Variants in PRUNE1 observed in about 807,000 individuals in gnomAD.
PRUNE1 encodes the protein exopolyphosphatase PRUNE1.
Under a neutral mutation model 42.5 loss-of-function variants are expected in PRUNE1, and 25 were observed. That is an observed-to-expected ratio of 0.59 (90% CI 0.43 to 0.82). PRUNE1 has a LOEUF of 0.82. Among genes scored for constraint, PRUNE1 ranks in the 40% least tolerant of loss-of-function variants. The pLI is 0.00. For missense variants in PRUNE1, 443 were observed against 539.3 expected, an observed-to-expected ratio of 0.82 and a Z score of 1.77; for synonymous variants, 203 against 217.1, an observed-to-expected ratio of 0.93 and a Z score of 0.57.
chr1:151,019,254 A>G (rs1196831908), intron 3 of PRUNE1, among the ~76,000 whole-genome samples: 1 of 152,034 alleles, frequency 6.6e-6, no homozygotes, highest in Non-Finnish European at 1.5e-5. Flanking sequence ...TGCCTTTGGT[A>G]TCATTATTTA....
chr1:151,016,684 T>C (rs1674122655), intron 1 of PRUNE1, among the ~76,000 whole-genome samples: 1 of 151,670 alleles, frequency 6.6e-6, no homozygotes, highest in Non-Finnish European at 1.5e-5. Context: ...GTATTTTTAG[T>C]AGAGATGGGG....
At chr1:151,024,901 C>A in intron 4 of PRUNE1, 106 bp downstream of exon 4, 3 of 1,160,952 alleles carry the variant, frequency 2.6e-6, no homozygotes, top group Non-Finnish European at 3.6e-6. Flanking sequence ...GCTCTCAGAG[C>A]CATTCAGCTC....
chr1:151,023,244 G>C (rs1674586337), intron 3 of PRUNE1, among the ~76,000 whole-genome samples: 1 of 152,166 alleles, frequency 6.6e-6, no homozygotes, highest in South Asian at 2.1e-4. Flanking sequence ...GCCCAGGAGG[G>C]CTCTTGGTTG....
chr1:151,013,677 G>A (rs927471881), intron 1 of PRUNE1, among the ~76,000 whole-genome samples: 5 of 152,006 alleles, frequency 3.3e-5, no homozygotes, highest in African/African-American at 1.2e-4. Context: ...CTCCAGTCAG[G>A]GCCATATGCC....
chr1:151,020,678 G>A (rs1229242831), intron 3 of PRUNE1, among the ~76,000 whole-genome samples: 2 of 151,934 alleles, frequency 1.3e-5, no homozygotes, highest in Admixed American at 6.6e-5. Flanking sequence ...AATGTATTAT[G>A]TTAGAATATA....
chr1:151,009,569 T>C (rs978457019), intron 1 of PRUNE1, among the ~76,000 whole-genome samples: 24 of 152,220 alleles, frequency 1.6e-4, no homozygotes, highest in African/African-American at 5.8e-4. Flanking sequence ...TGAGTTATAC[T>C]GCCCTGAAGA....
At chr1:151,027,173 T>G in intron 5 of PRUNE1, 60 bp from the exon 6 acceptor site, 1 of 1,274,666 alleles carries the variant, frequency 7.8e-7, no homozygotes, top group Admixed American at 1.8e-5. Context: ...GTCCTTGCCT[T>G]CTTGGTCTTG....
intron 7 of PRUNE1, among the ~76,000 whole-genome samples, chr1:151,030,810 G>A: frequency 6.6e-6 from 1 of 152,114 alleles, no homozygotes; most frequent in East Asian, 1.9e-4. Flanking sequence ...TTAAAGTCAG[G>A]TAGATGTGCT....
chr1:151,022,177 C>G (rs1234729450), intron 3 of PRUNE1, among the ~76,000 whole-genome samples: 1 of 145,636 alleles, frequency 6.9e-6, no homozygotes, highest in Non-Finnish European at 1.5e-5. Context: ...ATGGCACCAT[C>G]TCGGCTCACT....
In PRUNE1 at chr1:151,029,588, C is replaced by T. The variant is rs988337675; in HGVS notation, c.933+644C>T. On this transcript the variant is annotated intron_variant, in intron 7 of 7. Coordinates refer to ENST00000271620, the MANE Select transcript of PRUNE1 (RefSeq NM_021222.3). The stretch of plus-strand genomic sequence containing the variant: ...TTCACCGTGTTAGCCAGGATAGTCT[C>T]GATCTCCTGACCTCGTGATCCGCCC... Among the ~76,000 whole-genome samples the T allele has an allele frequency of 1.4e-4, 21 of 151,556 alleles. No homozygotes were observed. The South Asian group carries it at 2.3e-3, about 17-fold the overall frequency.
Position 151,028,802 on chromosome 1 carries a change from C to T in PRUNE1, c.791C>T (p.Ser264Phe). ...CCCTTTCAGGCCTTTCTGCAGAGGTCTAACCTCCTTGCAGATCTCCATGCT... is the reference window on the plus strand; with the variant it reads ...CCCTTTCAGGCCTTTCTGCAGAGGTTTAACCTCCTTGCAGATCTCCATGCT... ...YMDLEAFLQRSNLLADLHAFC... is the reference protein window; with the variant it reads ...YMDLEAFLQRFNLLADLHAFC... Residue 264 changes from serine to phenylalanine, a missense_variant, in exon 7 of 8, where the codon TCT becomes TTT. Physicochemically the swap from Ser to Phe is radical, Grantham distance 155. Transcript: ENST00000271620. 1 of 1,614,074 alleles carries T rather than the reference C, an allele frequency of 6.2e-7. No individual in the cohort carries two copies.
At chr1:151,032,174 G>A (rs587757117) in intron 7 of PRUNE1, among the ~76,000 whole-genome samples, 1 of 152,188 alleles carries the variant, frequency 6.6e-6, no homozygotes, top group African/African-American at 2.4e-5. Context: ...GAATCTGGGA[G>A]GCGAAGGTTG....
At chr1:151,024,461 C>T (rs1674690154) in intron 3 of PRUNE1, 150 bp from the exon 4 acceptor site, 1 of 738,594 alleles carries the variant, frequency 1.4e-6, no homozygotes, top group South Asian at 1.8e-5. Flanking sequence ...CACCATTGCA[C>T]TCTAGCCTGG....
rs1279371222 is a variant in PRUNE1, at chr1:151,018,538, C to T, written c.204C>T (p.Asp68=). 1.2e-6 allele frequency: 2 copies of T among 1,613,772 alleles called. No homozygotes were observed. Among genetic ancestry groups the T allele is most frequent in the Admixed American group, 1.7e-5 (1 of 60,000 alleles). ...IKRSELPLRG[D]IVFFLQKVHI... ...GTTCTGAACTACCTCTGCGAGGTGA[C>T]ATTGTCTTCTTTCTTCAGAAGGTTC... is the stretch of plus-strand genomic sequence containing the variant. Residue 68 remains aspartate, a synonymous_variant, in exon 3 of 8, where the codon GAC becomes GAT. Transcript: ENST00000271620.
At chr1:151,015,420 G>A (rs1004464884) in intron 1 of PRUNE1, among the ~76,000 whole-genome samples, 5 of 151,332 alleles carry the variant, frequency 3.3e-5, no homozygotes, top group African/African-American at 1.2e-4. Context: ...CGGATCACGA[G>A]GTCAGGAGTT....
At chr1:151,017,981 A>G (rs1674205361) in intron 2 of PRUNE1, 77 bp downstream of exon 2, 1 of 991,244 alleles carries the variant, frequency 1.0e-6, no homozygotes, top group Non-Finnish European at 1.6e-6. Flanking sequence ...CAGCTCTACC[A>G]CTTACCAGCA....
chr1:151,021,487 T>C (rs1193015832), intron 3 of PRUNE1, among the ~76,000 whole-genome samples: 1 of 152,132 alleles, frequency 6.6e-6, no homozygotes, highest in African/African-American at 2.4e-5. Context: ...TATAAATATC[T>C]CAATAATGTC....
At chr1:151,031,404 C>T (rs1354836135) in intron 7 of PRUNE1, among the ~76,000 whole-genome samples, 1 of 151,948 alleles carries the variant, frequency 6.6e-6, no homozygotes, top group Admixed American at 6.6e-5. Context: ...CCAGGCTGGT[C>T]TCGAACTCCT....
intron 3 of PRUNE1, among the ~76,000 whole-genome samples, chr1:151,021,176 C>T (rs992881486): frequency 1.3e-5 from 2 of 149,152 alleles, no homozygotes; most frequent in Admixed American, 6.7e-5. Context: ...TTAGCCAGGC[C>T]GGGCGTGGTG....
Sources: gnomAD v4.1 joint callset for allele counts (sites outside exome capture counted in the v4.1 genomes callset) on GRCh38, gnomAD v4.1.1 for gene constraint, MANE v1.5 for transcripts, NCBI Gene and HGNC (gene_info 2026-07-23, HGNC 2026-07-21) for gene names.